The following ANO3 variants were observed in gnomAD, a reference collection of about 807,000 sequenced individuals.
The protein encoded by ANO3 is anoctamin-3.
In ANO3, 99 loss-of-function variants were observed where a neutral mutation model predicts 144.8. That is an observed-to-expected ratio of 0.68 (90% CI 0.58 to 0.81). The LOEUF (loss-of-function observed/expected upper bound fraction) is 0.81, where lower values mean the gene tolerates loss of function less well. ANO3 is among the 30% of genes least tolerant of loss of function. ANO3 has a pLI of 0.00. For synonymous variants in ANO3, 414 were observed against 392.6 expected (o/e 1.05, Z -0.64); for missense variants, 905 against 1,202.2 (o/e 0.75, Z 3.66).
intron 1 of ANO3, among the ~76,000 whole-genome samples, chr11:26,354,623 T>G (rs1855730362): frequency 6.6e-6 from 1 of 152,188 alleles, no homozygotes; most frequent in African/African-American, 2.4e-5. Context: ...TGGTACATTC[T>G]TCCATATTTC....
At chr11:26,190,593 A>AT (rs954773317) in intron 1 of ANO3, among the ~76,000 whole-genome samples, 25 of 151,934 alleles carry the variant, frequency 1.6e-4, no homozygotes, top group African/African-American at 2.7e-4. Flanking sequence ...CTTTTTCACC[A>AT]TTTTTTTTGT....
At chr11:26,315,421 G>A (rs974800830) in intron 1 of ANO3, among the ~76,000 whole-genome samples, 3 of 152,070 alleles carry the variant, frequency 2.0e-5, no homozygotes, top group African/African-American at 7.2e-5. Context: ...ATGCTTTCAG[G>A]GTCTAGGCAG....
intron 13 of ANO3, among the ~76,000 whole-genome samples, chr11:26,558,827 A>G (rs1850170021): frequency 6.6e-6 from 1 of 152,158 alleles, no homozygotes; most frequent in Admixed American, 6.6e-5. Flanking sequence ...GGAGGACACC[A>G]TTCCATTCCA....
chr11:26,332,337 GC>G lies in ANO3; in HGVS notation c.46+17del. The stretch of plus-strand genomic sequence containing the variant: ...CAGCAAAAAGGTCAGTTGGAATCTT[GC>G]TCCCCTCTCCCTGCGGGCGTCACTT... On this transcript the variant is annotated intron_variant, in intron 1 of 26. Transcript: ENST00000256737. The G allele has an allele frequency of 1.2e-6, 2 of 1,613,248 alleles. No homozygotes were observed. Among genetic ancestry groups the G allele is most frequent in the South Asian group, 1.1e-5 (1 of 91,050 alleles).
intron 1 of ANO3, among the ~76,000 whole-genome samples, chr11:26,373,525 G>T (rs1856320611): frequency 6.6e-6 from 1 of 152,106 alleles, no homozygotes; most frequent in Non-Finnish European, 1.5e-5. Flanking sequence ...CCCGTTTTAG[G>T]TATTTCTTTA....
intron 1 of ANO3, among the ~76,000 whole-genome samples, chr11:26,396,775 C>T (rs1590325655): frequency 6.6e-6 from 1 of 151,752 alleles, no homozygotes; most frequent in African/African-American, 2.4e-5. Flanking sequence ...GGGAACATCA[C>T]ACGTCGGGGG....
rs757220359 is a variant in ANO3, at chr11:26,531,310, C to A, written c.843C>A (p.Gly281=). Residue 281 remains glycine, a synonymous_variant, in exon 8 of 27, where the codon GGC becomes GGA. Coordinates refer to ENST00000256737, the MANE Select transcript of ANO3 (RefSeq NM_031418.4). ...TAGAGGAGTCAGACTGCTATACTGG[C>A]CCCTTCAGCCGTGCACGGATTCACC... ...PDLEESDCYT[G]PFSRARIHHF... is the part of the protein sequence containing the mutation. 6.2e-7 allele frequency: 1 copy of A among 1,613,154 alleles called. No homozygotes were observed. The highest frequency in any genetic ancestry group is 8.5e-7 in the Non-Finnish European group (1 of 1,179,568).
At chr11:26,258,071 T>C (rs1853100402) in intron 1 of ANO3, among the ~76,000 whole-genome samples, 2 of 152,128 alleles carry the variant, frequency 1.3e-5, no homozygotes, top group African/African-American at 2.4e-5. Context: ...TGGTAAGATT[T>C]AGGACTGTTA....
Position 26,457,094 on chromosome 11 carries a change from AG to A in ANO3, c.314-5933del, listed in dbSNP as rs531884026. Among the ~76,000 whole-genome samples the A allele has an allele frequency of 1.0e-3, 97 of 92,490 alleles. 2 individuals carry two copies. In the South Asian group the frequency reaches 0.022, roughly 21 times the overall value. 60.7% of individuals were successfully genotyped at this position (92,490 alleles called of 152,430 possible). The stretch of plus-strand genomic sequence containing the variant: ...CTGTTGTGGGGTGGGGGGAGGGGGG[AG>A]GGATAGCATTGGGAGATATACCTAA... On this transcript the variant is annotated intron_variant, in intron 3 of 26. Coordinates refer to ENST00000256737, the MANE Select transcript of ANO3 (RefSeq NM_031418.4).
chr11:26,197,255 CA>C (rs1851606399), intron 1 of ANO3, among the ~76,000 whole-genome samples: 1 of 151,854 alleles, frequency 6.6e-6, no homozygotes. Context: ...CAACAGAAAA[CA>C]AAAAAGATCC....
chr11:26,272,550 T>C (rs142815053), intron 1 of ANO3, among the ~76,000 whole-genome samples: 57 of 152,126 alleles, frequency 3.7e-4, no homozygotes, highest in African/African-American at 1.3e-3. Flanking sequence ...CAATTTAAAG[T>C]AAAAGGGAGG....
chr11:26,486,305 G>T (rs193076607), intron 4 of ANO3, among the ~76,000 whole-genome samples: 1,778 of 140,620 alleles, frequency 0.013, 36 homozygotes, highest in African/African-American at 0.044. Context: ...AGGTTGCAGT[G>T]AGCCAAGGTC....
At chr11:26,291,765 T>C (rs1460387389) in intron 1 of ANO3, among the ~76,000 whole-genome samples, 1 of 152,232 alleles carries the variant, frequency 6.6e-6, no homozygotes, top group Non-Finnish European at 1.5e-5. Flanking sequence ...GTAGAGTTTC[T>C]GCTGAGAGAT....
Position 26,404,868 on chromosome 11 carries a change from A to G in ANO3, c.47-37050A>G, listed in dbSNP as rs12286195. Among the ~76,000 whole-genome samples the G allele has an allele frequency of 3.5e-3, 528 of 151,718 alleles. 6 individuals are homozygous for G. Among genetic ancestry groups the G allele is most frequent in the African/African-American group, 0.012 (515 of 41,458 alleles). On this transcript the variant is annotated intron_variant, in intron 1 of 26. Transcript: ENST00000256737. ...ACAGTGGAATTAAGTTTTCAAGATT[A>G]CATTACTAAATCTTGGAAGATTTGC...
At chr11:26,476,821 G>C (rs1259602351) in intron 4 of ANO3, among the ~76,000 whole-genome samples, 1 of 151,654 alleles carries the variant, frequency 6.6e-6, no homozygotes, top group East Asian at 1.9e-4. Flanking sequence ...AATCACACTG[G>C]AATTGATTAC....
intron 1 of ANO3, among the ~76,000 whole-genome samples, chr11:26,413,143 G>C (rs1029689838): frequency 6.6e-6 from 1 of 151,928 alleles, no homozygotes; most frequent in South Asian, 2.1e-4. Context: ...ATATTTACCA[G>C]TAGTACTGTG....
intron 14 of ANO3, among the ~76,000 whole-genome samples, chr11:26,581,870 A>C (rs1192341728): frequency 6.6e-6 from 1 of 152,170 alleles, no homozygotes; most frequent in East Asian, 1.9e-4. Context: ...TCAGAAAATT[A>C]TCTTCATGCA....
intron 1 of ANO3, among the ~76,000 whole-genome samples, chr11:26,385,893 G>GTTTATA (rs1183332896): frequency 4.2e-5 from 6 of 143,694 alleles, no homozygotes; most frequent in Admixed American, 6.8e-5. Context: ...CTTTGTGTGT[G>GTTTATA]TATATATATT....
intron 1 of ANO3, among the ~76,000 whole-genome samples, chr11:26,429,967 G>A (rs1214868708): frequency 1.3e-5 from 2 of 152,108 alleles, no homozygotes; most frequent in East Asian, 1.9e-4. Context: ...GCCAGGCACG[G>A]GGGCTCACGT....
Sources: allele counts gnomAD v4.1 joint callset (sites outside exome capture counted in the v4.1 genomes callset), GRCh38; gene constraint gnomAD v4.1.1; transcripts MANE v1.5; gene names NCBI Gene and HGNC (gene_info 2026-07-23, HGNC 2026-07-21).